Variants in BCAS4 observed in about 807,000 individuals in gnomAD.
The protein encoded by BCAS4 is breast carcinoma-amplified sequence 4.
In BCAS4, 9 loss-of-function variants were observed where a neutral mutation model predicts 15.7. That is an observed-to-expected ratio of 0.57 (90% CI 0.34 to 1.00). The LOEUF is 1.00. Among genes scored for constraint, BCAS4 ranks in the 50% least tolerant of loss-of-function variants. The pLI is 0.02. For synonymous variants in BCAS4, 101 were observed against 99.5 expected (o/e 1.02, Z -0.09); for missense variants, 225 against 239.1 (o/e 0.94, Z 0.39).
At chr20:50,812,703 G>A (rs543304577) in intron 1 of BCAS4, among the ~76,000 whole-genome samples, 1 of 152,316 alleles carries the variant, frequency 6.6e-6, no homozygotes, top group East Asian at 1.9e-4. Context: ...GCCTCCCAAA[G>A]TGTTGGGATT....
At chr20:50,854,688 G>A (rs1408199115) in intron 4 of BCAS4, among the ~76,000 whole-genome samples, 1 of 152,148 alleles carries the variant, frequency 6.6e-6, no homozygotes, top group African/African-American at 2.4e-5. Flanking sequence ...CACATAGTAG[G>A]TGCTCAGTTA....
intron 4 of BCAS4, among the ~76,000 whole-genome samples, chr20:50,850,249 C>T (rs1368368441): frequency 6.6e-6 from 1 of 152,224 alleles, no homozygotes; most frequent in African/African-American, 2.4e-5. Context: ...GTAACAACAC[C>T]AGAGGCAGAT....
chr20:50,815,254 A>T (rs1271931792), intron 1 of BCAS4, among the ~76,000 whole-genome samples: 1 of 152,120 alleles, frequency 6.6e-6, no homozygotes, highest in Non-Finnish European at 1.5e-5. Context: ...CACTTCCTAC[A>T]AGCACAGTGC....
upstream of BCAS4, chr20:50,794,917 G>C: frequency 9.7e-7 from 1 of 1,031,246 alleles, no homozygotes; most frequent in Non-Finnish European, 1.2e-6. Context: ...TGCCCGCTCG[G>C]CCCGGCGCTC....
At chr20:50,799,705 G>A (rs2087905612) in intron 1 of BCAS4, among the ~76,000 whole-genome samples, 1 of 152,162 alleles carries the variant, frequency 6.6e-6, no homozygotes, top group Admixed American at 6.5e-5. Flanking sequence ...TGGAGCTGGG[G>A]ACGCCACAGG....
chr20:50,833,803 G>C (rs1282521409), intron 3 of BCAS4, among the ~76,000 whole-genome samples: 3 of 152,124 alleles, frequency 2.0e-5, no homozygotes, highest in African/African-American at 7.2e-5. Context: ...GGGAGATGTC[G>C]GCTTCCCTGC....
At chr20:50,859,657 T>C (rs1293795609) in intron 4 of BCAS4, among the ~76,000 whole-genome samples, 1 of 151,662 alleles carries the variant, frequency 6.6e-6, no homozygotes, top group Non-Finnish European at 1.5e-5. Context: ...AGAGGGAAGA[T>C]GCCAGGTGTG....
chr20:50,799,939 A>G (rs1463346716), intron 1 of BCAS4, among the ~76,000 whole-genome samples: 1 of 152,170 alleles, frequency 6.6e-6, no homozygotes, highest in Non-Finnish European at 1.5e-5. Context: ...CCCAGCTACT[A>G]GAGAGGCCGA....
At chr20:50,796,860 T>C (rs1459407370) in intron 1 of BCAS4, among the ~76,000 whole-genome samples, 2 of 151,210 alleles carry the variant, frequency 1.3e-5, no homozygotes, top group East Asian at 3.9e-4. Flanking sequence ...TGACAGGGTT[T>C]CACTTTGTCA....
chr20:50,844,692 G>T (rs968939301), intron 4 of BCAS4, among the ~76,000 whole-genome samples: 2 of 152,142 alleles, frequency 1.3e-5, no homozygotes, highest in Non-Finnish European at 2.9e-5. Context: ...TGGAATCCAG[G>T]CCTGTGGGGT....
In BCAS4 at chr20:50,870,959, GAGC is replaced by G. The variant is rs764369197; in HGVS notation, c.400-5524_400-5522del. Among the ~76,000 whole-genome samples the G allele has an allele frequency of 1.4e-4, 22 of 152,294 alleles. No homozygotes were observed. The East Asian group carries it at 4.1e-3, about 28-fold the overall frequency. On this transcript the variant is annotated intron_variant, in intron 4 of 4. Coordinates refer to ENST00000371608, the MANE Select transcript of BCAS4 (RefSeq NM_198799.4). ...CTGTGTCTTGACCTATCCTATCCCA[GAGC>G]AGAGAACATTCCTGCCTGCGGCCCG...
At chr20:50,864,438 GATT>G (rs1240662236) in intron 4 of BCAS4, among the ~76,000 whole-genome samples, 75 of 138,528 alleles carry the variant, frequency 5.4e-4, no homozygotes, top group Middle Eastern at 3.7e-3. Context: ...GATCATGATT[GATT>G]TTTTTTTTTT....
At chr20:50,812,170 T>C (rs2088073400) in intron 1 of BCAS4, among the ~76,000 whole-genome samples, 1 of 152,112 alleles carries the variant, frequency 6.6e-6, no homozygotes, top group Admixed American at 6.6e-5. Flanking sequence ...TCTCACTCTG[T>C]TGCCCAGGCT....
chr20:50,868,257 A>G (rs1979454074), intron 4 of BCAS4, among the ~76,000 whole-genome samples: 1 of 152,134 alleles, frequency 6.6e-6, no homozygotes, highest in African/African-American at 2.4e-5. Context: ...CCCACTTTCC[A>G]TACCCTGCTC....
chr20:50,817,127 G>A (rs2088149699), intron 1 of BCAS4, among the ~76,000 whole-genome samples: 1 of 150,962 alleles, frequency 6.6e-6, no homozygotes, highest in African/African-American at 2.4e-5. Flanking sequence ...TTAAAGGGAT[G>A]GAGTCTCACC....
At chr20:50,872,938 G>A (rs1025806203) in intron 4 of BCAS4, among the ~76,000 whole-genome samples, 9 of 152,212 alleles carry the variant, frequency 5.9e-5, no homozygotes, top group South Asian at 2.1e-4. Flanking sequence ...AGCCCCTGGG[G>A]GCTCCTAGTG....
chr20:50,809,413 T>C (rs2088033786), intron 1 of BCAS4, among the ~76,000 whole-genome samples: 1 of 152,146 alleles, frequency 6.6e-6, no homozygotes, highest in African/African-American at 2.4e-5. Flanking sequence ...TTCACCATGT[T>C]GGCCAGGTTA....
chr20:50,882,378 T>C, the BCAS4 span: 1 of 152,232 alleles, frequency 6.6e-6, no homozygotes, highest in Non-Finnish European at 1.5e-5. Flanking sequence ...CCCAACCATA[T>C]GATGGAATAC....
At chr20:50,804,714 G>A (rs1487250804) in intron 1 of BCAS4, among the ~76,000 whole-genome samples, 4 of 152,174 alleles carry the variant, frequency 2.6e-5, no homozygotes, top group Admixed American at 1.3e-4. Context: ...TGGAAGTCAG[G>A]GTCTGCATGA....
Sources: gnomAD v4.1 joint callset for allele counts (sites outside exome capture counted in the v4.1 genomes callset) on GRCh38, gnomAD v4.1.1 for gene constraint, MANE v1.5 for transcripts, NCBI Gene and HGNC (gene_info 2026-07-23, HGNC 2026-07-21) for gene names.